Variants in WWOX observed in about 807,000 individuals in gnomAD.
WWOX encodes the protein WW domain containing oxidoreductase.
In WWOX, 69 loss-of-function variants were observed where a neutral mutation model predicts 46.2. The ratio of observed to expected loss-of-function variants is 1.49; its 90% CI spans 1.23 to 1.82. WWOX has a LOEUF of 1.82. Ranked by LOEUF, WWOX falls within the 40% of genes most tolerant of loss-of-function variation. The pLI is 0.00. For missense variants in WWOX, 919 were observed against 542.6 expected, an observed-to-expected ratio of 1.69 and a Z score of -6.89; for synonymous variants, 359 against 202.6, an observed-to-expected ratio of 1.77 and a Z score of -6.56.
Position 78,822,804 on chromosome 16 carries a change from C to T in WWOX, c.1057-388804C>T, listed in dbSNP as rs371211183. On this transcript the variant is annotated intron_variant, in intron 8 of 8. Transcript: ENST00000566780. ...TTCTTAAGGAAGTCTACTTTCTCTT[C>T]AAGAATGCTATCAAATTGAAAGGTA... is the stretch of plus-strand genomic sequence containing the variant. 2.3e-4 allele frequency among the ~76,000 whole-genome samples: 35 copies of T among 151,974 alleles called. No homozygotes were observed. In the South Asian group the frequency reaches 6.4e-3, roughly 28 times the overall value.
chr16:78,182,039 T>C (rs2035547053), intron 5 of WWOX, among the ~76,000 whole-genome samples: 1 of 152,156 alleles, frequency 6.6e-6, no homozygotes, highest in Non-Finnish European at 1.5e-5. Context: ...GATTGAGCTG[T>C]AAAATGTGTT....
chr16:79,013,526 A>T (rs116442068), intron 8 of WWOX, among the ~76,000 whole-genome samples: 3 of 152,158 alleles, frequency 2.0e-5, no homozygotes, highest in Non-Finnish European at 4.4e-5. Flanking sequence ...GGCGTGTGCA[A>T]CAGGGACAGC....
At chr16:78,393,410 C>G (rs780277916) in intron 6 of WWOX, among the ~76,000 whole-genome samples, 4 of 152,146 alleles carry the variant, frequency 2.6e-5, no homozygotes, top group East Asian at 1.9e-4. Flanking sequence ...ATAATCCCAG[C>G]GCTTTTGGGA....
At chr16:78,567,194 C>A (rs1356595047) in intron 8 of WWOX, among the ~76,000 whole-genome samples, 1 of 152,196 alleles carries the variant, frequency 6.6e-6, no homozygotes, top group East Asian at 1.9e-4. Context: ...CCCATCATGT[C>A]CTGACGCTTT....
intron 8 of WWOX, among the ~76,000 whole-genome samples, chr16:78,533,210 G>A (rs924932609): frequency 1.3e-5 from 2 of 152,106 alleles, no homozygotes; most frequent in African/African-American, 2.4e-5. Flanking sequence ...CAGAGTTGAC[G>A]GAGAGGGGAC....
At chr16:79,059,544 G>A (rs915038405) in intron 8 of WWOX, among the ~76,000 whole-genome samples, 2 of 152,176 alleles carry the variant, frequency 1.3e-5, no homozygotes, top group African/African-American at 4.8e-5. Flanking sequence ...TGGCTGGAGT[G>A]CAATGGCGCG....
chr16:79,145,026 C>A (rs2050159244), intron 8 of WWOX, among the ~76,000 whole-genome samples: 1 of 152,112 alleles, frequency 6.6e-6, no homozygotes, highest in Admixed American at 6.6e-5. Context: ...GAAGCGGAGG[C>A]TACTGTACAT....
At chr16:78,101,961 T>TG (rs941178449) in intron 1 of WWOX, among the ~76,000 whole-genome samples, 28 of 151,936 alleles carry the variant, frequency 1.8e-4, no homozygotes, top group African/African-American at 6.0e-4. Context: ...TGTAGGTAGT[T>TG]GGGGGGGTCG....
chr16:78,388,892 C>G (rs2082117390), intron 6 of WWOX, among the ~76,000 whole-genome samples: 1 of 151,784 alleles, frequency 6.6e-6, no homozygotes, highest in Non-Finnish European at 1.5e-5. Context: ...TGGCTTGAAC[C>G]CGGGAGGTGG....
intron 8 of WWOX, among the ~76,000 whole-genome samples, chr16:79,179,112 C>G (rs73582793): frequency 0.026 from 3,976 of 152,246 alleles, 171 homozygotes; most frequent in African/African-American, 0.091. Flanking sequence ...CATGGGGGAA[C>G]TACCAGAAAC....
At chr16:78,703,169 T>C (rs113241354) in intron 8 of WWOX, among the ~76,000 whole-genome samples, 1 of 152,008 alleles carries the variant, frequency 6.6e-6, no homozygotes, top group Non-Finnish European at 1.5e-5. Flanking sequence ...TGAGTTTTTA[T>C]GATGTTCCTT....
intron 8 of WWOX, among the ~76,000 whole-genome samples, chr16:79,055,926 C>G (rs1025991845): frequency 6.6e-6 from 1 of 152,170 alleles, no homozygotes; most frequent in African/African-American, 2.4e-5. Flanking sequence ...GAAGGTCTCC[C>G]AGATGTAAAT....
intron 8 of WWOX, among the ~76,000 whole-genome samples, chr16:78,970,232 C>T (rs1255909775): frequency 4.6e-5 from 7 of 152,132 alleles, no homozygotes; most frequent in African/African-American, 1.4e-4. Flanking sequence ...AACCACAGCA[C>T]GGTGTTGGCT....
intron 5 of WWOX, among the ~76,000 whole-genome samples, chr16:78,373,451 C>G (rs921573196): frequency 6.6e-6 from 1 of 152,152 alleles, no homozygotes; most frequent in Admixed American, 6.5e-5. Flanking sequence ...CCAGGAGTTA[C>G]ATTCTCTTCT....
rs1198975338 is a variant in WWOX, at chr16:78,108,506, A to G, written c.172+19A>G. 10 of 1,613,246 alleles carry G rather than the reference A, an allele frequency of 6.2e-6. No homozygotes were observed. In the African/African-American group the frequency reaches 8.0e-5, roughly 13 times the overall value. On this transcript the variant is annotated intron_variant, in intron 2 of 8. Coordinates refer to ENST00000566780, the MANE Select transcript of WWOX (RefSeq NM_016373.4). ...GCAGGAGGTTTGTATGTTGTTGTCT[A>G]AGGATCTTGGATGGAAGCATTAAGT... is the stretch of plus-strand genomic sequence containing the variant.
At chr16:78,685,731 C>T (rs952542534) in intron 8 of WWOX, among the ~76,000 whole-genome samples, 1 of 152,162 alleles carries the variant, frequency 6.6e-6, no homozygotes, top group Non-Finnish European at 1.5e-5. Flanking sequence ...CCGACAGTTG[C>T]CCCTCATTTG....
intron 8 of WWOX, among the ~76,000 whole-genome samples, chr16:78,521,960 T>C (rs1281354601): frequency 6.6e-6 from 1 of 152,078 alleles, no homozygotes; most frequent in Non-Finnish European, 1.5e-5. Flanking sequence ...TATTTGAAGC[T>C]CACAGCAGGC....
chr16:78,576,683 T>C (rs777050362), intron 8 of WWOX, among the ~76,000 whole-genome samples: 2 of 152,230 alleles, frequency 1.3e-5, no homozygotes, highest in East Asian at 1.9e-4. Context: ...CATAAAAATA[T>C]TAGCTGGGCA....
intron 8 of WWOX, among the ~76,000 whole-genome samples, chr16:78,587,660 G>A (rs777531656): frequency 6.6e-6 from 1 of 152,174 alleles, no homozygotes; most frequent in South Asian, 2.1e-4. Context: ...GGTGTGGGGA[G>A]TGGAGGGAGT....
Sources: gnomAD v4.1 joint callset for allele counts (sites outside exome capture counted in the v4.1 genomes callset) on GRCh38, gnomAD v4.1.1 for gene constraint, MANE v1.5 for transcripts, NCBI Gene and HGNC (gene_info 2026-07-23, HGNC 2026-07-21) for gene names.